The following GALNTL6 variants were observed in gnomAD, a reference collection of about 807,000 sequenced individuals.
GALNTL6 encodes the protein polypeptide N-acetylgalactosaminyltransferase like 6.
Under a neutral mutation model 73.7 loss-of-function variants are expected in GALNTL6, and 46 were observed. That is an observed-to-expected ratio of 0.62 (90% confidence interval 0.49 to 0.80). The LOEUF (loss-of-function observed/expected upper bound fraction) is 0.80, where lower values mean the gene tolerates loss of function less well. Ranked by LOEUF, GALNTL6 falls within the 30% of genes least tolerant of loss-of-function variation. The probability of loss-of-function intolerance (pLI) is 0.00; values close to 1 mark genes in which losing one functional copy is unlikely to be tolerated. For missense variants in GALNTL6, 604 were observed against 755.0 expected (o/e 0.80, Z 2.34); for synonymous variants, 259 against 263.7 (o/e 0.98, Z 0.17).
intron 5 of GALNTL6, among the ~76,000 whole-genome samples, chr4:172,626,322 G>T (rs1739169855): frequency 6.6e-6 from 1 of 152,030 alleles, no homozygotes; most frequent in Non-Finnish European, 1.5e-5. Flanking sequence ...AGATCAGATG[G>T]CTGCAGGTGT....
At chr4:172,781,160 A>G (rs1739351130) in intron 5 of GALNTL6, among the ~76,000 whole-genome samples, 1 of 152,232 alleles carries the variant, frequency 6.6e-6, no homozygotes, top group Admixed American at 6.5e-5. Flanking sequence ...TGTTATAGCA[A>G]CAGGAGAGCA....
intron 5 of GALNTL6, among the ~76,000 whole-genome samples, chr4:172,536,174 T>A (rs985597560): frequency 6.6e-6 from 1 of 152,218 alleles, no homozygotes; most frequent in East Asian, 1.9e-4. Context: ...GCTATGTGGA[T>A]CTGAGTCCAC....
intron 7 of GALNTL6, among the ~76,000 whole-genome samples, chr4:172,825,761 G>A (rs1300151722): frequency 6.6e-6 from 1 of 152,172 alleles, no homozygotes; most frequent in Non-Finnish European, 1.5e-5. Flanking sequence ...GAAACTGTAG[G>A]GGAAAGCTGT....
Position 173,025,770 on chromosome 4 carries a change from G to A in GALNTL6, c.1638+4145G>A, listed in dbSNP as rs183207652. Among the ~76,000 whole-genome samples the A allele has an allele frequency of 1.4e-3, 207 of 152,274 alleles. 1 individual carries two copies. The highest frequency in any genetic ancestry group is 4.7e-3 in the African/African-American group (197 of 41,556). On this transcript the variant is annotated intron_variant, in intron 12 of 12. Coordinates refer to ENST00000506823, the MANE Select transcript of GALNTL6 (RefSeq NM_001034845.3). ...ACCATCAGCCCTTAGAGTTATTCAG[G>A]CTTAATACACCCCAATTCATCCTGA...
At chr4:171,999,405 G>A (rs1740602672) in intron 2 of GALNTL6, among the ~76,000 whole-genome samples, 2 of 152,150 alleles carry the variant, frequency 1.3e-5, no homozygotes, top group South Asian at 4.1e-4. Flanking sequence ...TTTCCGGGGA[G>A]GTTGAAGAGA....
intron 8 of GALNTL6, among the ~76,000 whole-genome samples, chr4:172,886,069 G>T (rs2111199967): frequency 6.6e-6 from 1 of 152,228 alleles, no homozygotes. Flanking sequence ...GAATGAGTTT[G>T]GAAGAATTCC....
At position 171,941,549 on chromosome 4, in the gene GALNTL6, T is replaced by C. The variant is rs533900322; in HGVS notation, c.138+126831T>C. On this transcript the variant is annotated intron_variant, in intron 2 of 12. Coordinates refer to ENST00000506823, the MANE Select transcript of GALNTL6 (RefSeq NM_001034845.3). ...CCTTTATATTTTCATTTTTGGGTAA[T>C]GCCAGTTGTGTCATCACCACAGTTA... Among the ~76,000 whole-genome samples the C allele has an allele frequency of 2.6e-5, 4 of 152,318 alleles. No individual in the cohort carries two copies. In the East Asian group the frequency reaches 7.7e-4, roughly 29 times the overall value.
In GALNTL6 at chr4:172,117,503, C is replaced by T. The variant is rs76745963; in HGVS notation, c.139-112153C>T. On this transcript the variant is annotated intron_variant, in intron 2 of 12. Transcript: ENST00000506823. ...ATGATGATGAGAAGTCTCAGGACATCTACGTTTGTTTTATAATATAGTTTG... is the reference window on the plus strand; with the variant it reads ...ATGATGATGAGAAGTCTCAGGACATTTACGTTTGTTTTATAATATAGTTTG... Among the ~76,000 whole-genome samples, 947 of 152,216 alleles carry T rather than the reference C, an allele frequency of 6.2e-3. 12 individuals are homozygous for T. Among genetic ancestry groups the T allele is most frequent in the African/African-American group, 0.021 (872 of 41,538 alleles).
At chr4:172,783,028 T>C (rs1468617273) in intron 5 of GALNTL6, among the ~76,000 whole-genome samples, 1 of 151,958 alleles carries the variant, frequency 6.6e-6, no homozygotes, top group African/African-American at 2.4e-5. Context: ...GTGTGTCTTA[T>C]TTGTAAAACA....
intron 2 of GALNTL6, among the ~76,000 whole-genome samples, chr4:171,970,547 A>C (rs1037576940): frequency 7.9e-5 from 12 of 152,220 alleles, no homozygotes; most frequent in African/African-American, 2.7e-4. Context: ...CTTATCTTAA[A>C]AATTTTTAGT....
Position 172,425,109 on chromosome 4 carries a change from A to G in GALNTL6, c.553+76420A>G, listed in dbSNP as rs559760703. ...AGTATCAAAATTCTAATATGTCTGT[A>G]TCTTGAAATAATGAGTACTACAGTA... On this transcript the variant is annotated intron_variant, in intron 5 of 12. Coordinates refer to ENST00000506823, the MANE Select transcript of GALNTL6 (RefSeq NM_001034845.3). 6.6e-5 allele frequency among the ~76,000 whole-genome samples: 10 copies of G among 152,262 alleles called. No homozygotes were observed. The East Asian group carries it at 1.9e-3, about 29-fold the overall frequency.
At chr4:172,019,072 TCA>T (rs570567872) in intron 2 of GALNTL6, among the ~76,000 whole-genome samples, 176 of 152,310 alleles carry the variant, frequency 1.2e-3, no homozygotes, top group Non-Finnish European at 2.0e-3. Flanking sequence ...CTTTGGGAAC[TCA>T]CAGTTTTTCG....
At chr4:172,551,033 T>C (rs1735937929) in intron 5 of GALNTL6, among the ~76,000 whole-genome samples, 1 of 152,096 alleles carries the variant, frequency 6.6e-6, no homozygotes, top group Non-Finnish European at 1.5e-5. Context: ...ACTTGGGGAT[T>C]TGGTTAAAGC....
chr4:172,280,742 A>G (rs1739015892), intron 3 of GALNTL6, among the ~76,000 whole-genome samples: 1 of 152,154 alleles, frequency 6.6e-6, no homozygotes, highest in African/African-American at 2.4e-5. Context: ...GTACACATAT[A>G]CACCAACCAT....
chr4:172,502,963 C>T lies in GALNTL6; in HGVS notation c.553+154274C>T, dbSNP rs562382068. ...TAAATATTCATGAAGTAATAGCAAACTAAATATTACAGAAATCTCGGATAA... is the reference window on the plus strand; with the variant it reads ...TAAATATTCATGAAGTAATAGCAAATTAAATATTACAGAAATCTCGGATAA... On this transcript the variant is annotated intron_variant, in intron 5 of 12. Transcript: ENST00000506823. 3.9e-5 allele frequency among the ~76,000 whole-genome samples: 6 copies of T among 152,222 alleles called. No homozygotes were observed. In the South Asian group the frequency reaches 1.2e-3, roughly 32 times the overall value.
chr4:171,859,410 A>C (rs1395214054), intron 2 of GALNTL6, among the ~76,000 whole-genome samples: 1 of 152,086 alleles, frequency 6.6e-6, no homozygotes, highest in Non-Finnish European at 1.5e-5. Context: ...GACTAACCTG[A>C]GGTGTCATGA....
chr4:172,940,699 G>A (rs1748875351), intron 9 of GALNTL6, among the ~76,000 whole-genome samples: 1 of 151,332 alleles, frequency 6.6e-6, no homozygotes, highest in Non-Finnish European at 1.5e-5. Context: ...TTAGAGACAG[G>A]GTCTCACTCT....
intron 2 of GALNTL6, among the ~76,000 whole-genome samples, chr4:172,128,442 C>T (rs1320943954): frequency 1.3e-5 from 2 of 151,960 alleles, no homozygotes; most frequent in Non-Finnish European, 2.9e-5. Context: ...AATCATGAGA[C>T]AGTAAAACAT....
At chr4:172,596,462 A>T (rs1307252541) in intron 5 of GALNTL6, among the ~76,000 whole-genome samples, 2 of 141,024 alleles carry the variant, frequency 1.4e-5, no homozygotes, top group Non-Finnish European at 3.0e-5. Context: ...AAAAAAAAGA[A>T]AAAAAAAAAA....
Sources: gnomAD v4.1 joint callset for allele counts (sites outside exome capture counted in the v4.1 genomes callset) on GRCh38, gnomAD v4.1.1 for gene constraint, MANE v1.5 for transcripts, NCBI Gene and HGNC (gene_info 2026-07-23, HGNC 2026-07-21) for gene names.